The following ATP6V0B variants were observed in gnomAD, a reference collection of about 807,000 sequenced individuals.
ATP6V0B encodes the protein ATPase H+ transporting V0 subunit b, also known as V-type proton ATPase 21 kDa proteolipid subunit c''.
ATP6V0B carries 4 observed loss-of-function variants against 26.2 expected under a neutral mutation model. That is an observed-to-expected ratio of 0.15 (90% CI 0.08 to 0.35). The LOEUF (loss-of-function observed/expected upper bound fraction) is 0.35. Among genes scored for constraint, ATP6V0B ranks in the 10% least tolerant of loss-of-function variants. The pLI is 1.00. For missense variants in ATP6V0B, 175 were observed against 272.5 expected, an observed-to-expected ratio of 0.64 and a Z score of 2.52; for synonymous variants, 110 against 105.8, an observed-to-expected ratio of 1.04 and a Z score of -0.24.
intron 2 of ATP6V0B, 93 bp downstream of exon 2, chr1:43,975,941 C>G: frequency 6.6e-7 from 1 of 1,511,614 alleles, no homozygotes; most frequent in African/African-American, 1.4e-5. Context: ...CACACCACTG[C>G]CTGCCTGGGA....
rs759905094 is a variant in ATP6V0B at position 43,977,174 on chromosome 1, C to T, written c.549C>T (p.Gly183=). The change falls in exon 7 of 8, where the codon GGC becomes GGT. Residue 183 remains glycine (G), a synonymous_variant. Transcript: ENST00000472174. ...FVKILIVEIF[G]SAIGLFGVIV... The stretch of plus-strand genomic sequence containing the variant: ...AGATTCTCATCGTGGAGATCTTTGG[C>T]AGCGCCATTGGCCTCTTTGGGGTCA... 2.5e-6 allele frequency: 4 copies of T among 1,614,180 alleles called. No homozygotes were observed. The South Asian group carries it at 4.4e-5, about 18-fold the overall frequency.
rs992892741 is a variant in ATP6V0B at position 43,977,096 on chromosome 1, C to T, written c.471C>T (p.Ile157=). The T allele has an allele frequency of 7.4e-6, 12 of 1,614,124 alleles. No homozygotes were observed. The highest frequency in any genetic ancestry group is 1.3e-5 in the African/African-American group (1 of 74,944). ...SNLFCGVCVG[I]VGSGAALADA... is the part of the protein sequence containing the mutation. ...TCTTCTGTGGAGTCTGCGTGGGCAT[C>T]GTGGGCAGTGGGGCTGCCCTGGCCG... The change falls in exon 7 of 8, where the codon ATC becomes ATT. Residue 157 remains isoleucine (I), a synonymous_variant. Transcript: ENST00000472174.
intron 7 of ATP6V0B, chr1:43,977,470 C>T (rs563808683): frequency 3.5e-6 from 5 of 1,431,316 alleles, no homozygotes; most frequent in South Asian, 1.5e-5. Context: ...AGCACTTAGT[C>T]CTCCCTCTTT....
At position 43,978,253 on chromosome 1, in the gene ATP6V0B, C is replaced by T. The variant is rs1299881978; in HGVS notation, c.*246C>T. On this transcript the variant is annotated 3_prime_UTR_variant, in exon 8 of 8. Transcript: ENST00000472174. ...TCCCCCACCTCCACCCTCAACCCAT[C>T]TTCCTAGTGTTTGTGAAATAAACTT... 9 of 594,684 alleles carry T rather than the reference C, an allele frequency of 1.5e-5. No individual in the cohort carries two copies. Among genetic ancestry groups the T allele is most frequent in the Non-Finnish European group, 2.1e-5 (7 of 333,252 alleles). 36.8% of individuals were successfully genotyped at this position (594,684 alleles called of 1,614,324 possible). A position where few individuals can be genotyped will look rare whatever the true frequency, so the allele number is the denominator to read the frequency against.
chr1:43,976,668 G>A lies in ATP6V0B; in HGVS notation c.348+9G>A. 1 of 1,614,162 alleles carries A rather than the reference G, an allele frequency of 6.2e-7. No individual in the cohort carries two copies. Among genetic ancestry groups the A allele is most frequent in the Non-Finnish European group, 8.5e-7 (1 of 1,180,016 alleles). On this transcript the variant is annotated intron_variant, in intron 5 of 7. Coordinates refer to ENST00000472174, the MANE Select transcript of ATP6V0B (RefSeq NM_004047.5). This position sits in a 1 kb window ranked among gnomAD's most constrained non-coding sequence, Gnocchi z 4.6. ...TTAGCAACATGGCTGAGGTATGGAA[G>A]GCCAGGGTGGTGGCGGGAATCCATT...
chr1:43,977,779 T>C, intron 7 of ATP6V0B: 1 of 1,491,848 alleles, frequency 6.7e-7, no homozygotes, highest in Non-Finnish European at 8.9e-7. Context: ...CATATGCCAC[T>C]TCTCTCCGTC....
Position 43,976,851 on chromosome 1 carries a change from A to AGG in ATP6V0B, c.400+27_400+28insGG. The stretch of plus-strand genomic sequence containing the variant: ...TGGGTGGATGGGCGTATGAATGCAA[A>AGG]ATGCTGGGACTTCATGCCTGCTTCC... On this transcript the variant is annotated intron_variant, in intron 6 of 7. Coordinates refer to ENST00000472174, the MANE Select transcript of ATP6V0B (RefSeq NM_004047.5). The surrounding 1 kb of genome is among the most constrained non-coding windows in gnomAD (Gnocchi z 4.6). 2 of 1,613,298 alleles carry AGG rather than the reference A, an allele frequency of 1.2e-6. No individual in the cohort carries two copies. The highest frequency in any genetic ancestry group is 1.7e-6 in the Non-Finnish European group (2 of 1,179,358).
intron 1 of ATP6V0B, chr1:43,975,366 C>T: frequency 1.7e-6 from 1 of 572,426 alleles, no homozygotes; most frequent in African/African-American, 2.0e-5. Context: ...TCCCCTCGCT[C>T]CCACGTCTCA....
At position 43,976,910 on chromosome 1, in the gene ATP6V0B, G is replaced by A. The variant is rs142793826; in HGVS notation, c.400+86G>A. The A allele has an allele frequency of 4.2e-5, 67 of 1,603,624 alleles. No homozygotes were observed. In the East Asian group the frequency reaches 1.5e-3, roughly 36 times the overall value. ...CCATCCCAGCTTGGGCCATCATTTT[G>A]ATATTCTCTCACCTACTTTTTCTGC... On this transcript the variant is annotated intron_variant, in intron 6 of 7. Transcript: ENST00000472174. The surrounding 1 kb of genome is among the most constrained non-coding windows in gnomAD (Gnocchi z 4.6).
chr1:43,977,783 C>G (rs1279136792), intron 7 of ATP6V0B, 198 bp from the exon 8 acceptor site: 13 of 1,499,144 alleles, frequency 8.7e-6, no homozygotes, highest in African/African-American at 2.8e-5. Flanking sequence ...TGCCACTTCT[C>G]TCCGTCTGTC....
intron 1 of ATP6V0B, chr1:43,975,533 C>T (rs1040178366): frequency 7.0e-5 from 40 of 573,682 alleles, no homozygotes; most frequent in Non-Finnish European, 1.5e-5. Context: ...GGAGCGCTTG[C>T]TCCCTCGGTC....
At chr1:43,975,281 C>T in intron 1 of ATP6V0B, 174 bp downstream of exon 1, 2 of 855,784 alleles carry the variant, frequency 2.3e-6, no homozygotes, top group South Asian at 1.5e-5. Context: ...CCCGGATTTC[C>T]AGCTGCTTGA....
At chr1:43,975,638 C>CCATTTTCTGT in intron 1 of ATP6V0B, 162 bp from the exon 2 acceptor site, 1 of 771,128 alleles carries the variant, frequency 1.3e-6, no homozygotes, top group Admixed American at 2.2e-5. Flanking sequence ...AAAATGGAGG[C>CCATTTTCTGT]CTAAGCAGAG....
intron 1 of ATP6V0B, 130 bp downstream of exon 1, chr1:43,975,237 C>A (rs1190044490): frequency 8.6e-7 from 1 of 1,163,516 alleles, no homozygotes; most frequent in Non-Finnish European, 1.2e-6. Flanking sequence ...TGGGGACTTG[C>A]GCCTGCGAGG....
In ATP6V0B at chr1:43,978,035, C is replaced by T; in HGVS notation, c.*28C>T. ...GATATGTGTGGGTGGGGCCGTGCCT[C>T]ACTTTTATTTATTGCTGGTTTTCCT... On this transcript the variant is annotated 3_prime_UTR_variant, in exon 8 of 8. Coordinates refer to ENST00000472174, the MANE Select transcript of ATP6V0B (RefSeq NM_004047.5). 6.2e-7 allele frequency: 1 copy of T among 1,614,162 alleles called. No homozygotes were observed. The highest frequency in any genetic ancestry group is 8.5e-7 in the Non-Finnish European group (1 of 1,180,010).
In ATP6V0B at chr1:43,978,171, G is replaced by A; in HGVS notation, c.*164G>A. 1 of 1,012,760 alleles carries A rather than the reference G, an allele frequency of 9.9e-7. No homozygotes were observed. The highest frequency in any genetic ancestry group is 1.5e-6 in the Non-Finnish European group (1 of 659,782). The allele number at this position is 1,012,760 out of a possible 1,614,324, so 62.7% of individuals were successfully genotyped here. On this transcript the variant is annotated 3_prime_UTR_variant, in exon 8 of 8. Coordinates refer to ENST00000472174, the MANE Select transcript of ATP6V0B (RefSeq NM_004047.5). ...TTGGAGGCACTGCAGTCCAGGCCGA[G>A]TCCTCAGTGCGGGGAGCAGGCTGCT...
In ATP6V0B at chr1:43,977,503, A is replaced by G. The variant is rs149542862; in HGVS notation, c.591+287A>G. 4 of 1,429,660 alleles carry G rather than the reference A, an allele frequency of 2.8e-6. No individual in the cohort carries two copies. The African/African-American group carries it at 4.3e-5, about 15-fold the overall frequency. 88.6% of individuals were successfully genotyped at this position (1,429,660 alleles called of 1,614,324 possible). A position where few individuals can be genotyped will look rare whatever the true frequency, so the allele number is the denominator to read the frequency against. ...TTTCTGTTCTCTCATTTTATCTGCC[A>G]TGCTTTTCATGTCTCCAGTCTGTAT... On this transcript the variant is annotated intron_variant, in intron 7 of 7. Coordinates refer to ENST00000472174, the MANE Select transcript of ATP6V0B (RefSeq NM_004047.5).
At position 43,978,213 on chromosome 1, in the gene ATP6V0B, A is replaced by G. The variant is rs2085547814; in HGVS notation, c.*206A>G. The G allele has an allele frequency of 1.5e-6, 1 of 673,352 alleles. No individual in the cohort carries two copies. Among genetic ancestry groups the G allele is most frequent in the Admixed American group, 2.6e-5 (1 of 38,682 alleles). The allele number at this position is 673,352 out of a possible 1,614,324, so 41.7% of individuals were successfully genotyped here. A position where few individuals can be genotyped will look rare whatever the true frequency, so the allele number is the denominator to read the frequency against. ...CAGGCTGCTGCTGCTGACTCTGTGC[A>G]GCTGCGCACCTGTGTCCCCCACCTC... On this transcript the variant is annotated 3_prime_UTR_variant, in exon 8 of 8. Coordinates refer to ENST00000472174, the MANE Select transcript of ATP6V0B (RefSeq NM_004047.5).
chr1:43,977,319 GAT>G, intron 7 of ATP6V0B, 103 bp downstream of exon 7: 1 of 1,601,172 alleles, frequency 6.2e-7, no homozygotes, highest in Non-Finnish European at 8.5e-7. Context: ...TATAACTATA[GAT>G]TCCCCCAAAC....
Sources: gnomAD v4.1 joint callset for allele counts on GRCh38, gnomAD v4.1.1 for gene constraint, Gnocchi (gnomAD v3.1) non-coding constraint, MANE v1.5 for transcripts, NCBI Gene and HGNC (gene_info 2026-07-23, HGNC 2026-07-21) for gene names.